The following RBFOX3 variants were observed in gnomAD, a reference collection of about 807,000 sequenced individuals.
RBFOX3 encodes the protein RNA binding protein fox-1 homolog 3.
RBFOX3 carries 17 observed loss-of-function variants against 48.7 expected under a neutral mutation model. The ratio of observed to expected loss-of-function variants is 0.35; its 90% CI spans 0.24 to 0.52. The LOEUF (loss-of-function observed/expected upper bound fraction) is 0.52. RBFOX3 is among the 20% of genes least tolerant of loss of function. The pLI is 0.94. For synonymous variants in RBFOX3, 212 were observed against 209.5 expected, an observed-to-expected ratio of 1.01 and a Z score of -0.10; for missense variants, 382 against 497.5, an observed-to-expected ratio of 0.77 and a Z score of 2.21.
intron 3 of RBFOX3, among the ~76,000 whole-genome samples, chr17:79,300,947 G>C (rs1285947783): frequency 6.6e-6 from 1 of 152,204 alleles, no homozygotes; most frequent in Non-Finnish European, 1.5e-5. Context: ...AAACAGGGGA[G>C]GCATGGATGC....
At chr17:79,125,249 G>A (rs1191568878) in intron 4 of RBFOX3, among the ~76,000 whole-genome samples, 4 of 152,190 alleles carry the variant, frequency 2.6e-5, no homozygotes, top group South Asian at 2.1e-4. Context: ...ACAGGGCCTC[G>A]CCTGGGCTGT....
chr17:79,112,908 G>C (rs943053813), intron 5 of RBFOX3, among the ~76,000 whole-genome samples: 6 of 135,290 alleles, frequency 4.4e-5, no homozygotes, highest in Non-Finnish European at 9.6e-5. Context: ...GGCTCTCGGG[G>C]GGGGGGTGGG....
In RBFOX3 at chr17:79,363,304, C is replaced by A. The variant is rs1421095336; in HGVS notation, c.-174-55480G>T. ...AAGAACCAGGGGACTCTTTAAAGGGCAAATGCGCTGTGAATGGAGACTCTC... is the reference window on the plus strand; with the variant it reads ...AAGAACCAGGGGACTCTTTAAAGGGAAAATGCGCTGTGAATGGAGACTCTC... On this transcript the variant is annotated intron_variant, in intron 2 of 14. Coordinates refer to ENST00000693108, the MANE Select transcript of RBFOX3 (RefSeq NM_001350451.2). This position sits in a 1 kb window ranked among gnomAD's most constrained non-coding sequence, Gnocchi z 4.7. Among the ~76,000 whole-genome samples, 2 of 152,070 alleles carry A rather than the reference C, an allele frequency of 1.3e-5. No homozygotes were observed. Among genetic ancestry groups the A allele is most frequent in the Admixed American group, 6.5e-5 (1 of 15,280 alleles).
At chr17:79,366,147 G>A (rs554465294) in intron 2 of RBFOX3, among the ~76,000 whole-genome samples, 20 of 152,314 alleles carry the variant, frequency 1.3e-4, no homozygotes, top group African/African-American at 3.4e-4. Context: ...CAATCAACCC[G>A]GTCACTAGGA....
At chr17:79,548,667 T>C (rs4073996) in intron 1 of RBFOX3, among the ~76,000 whole-genome samples, 122,975 of 152,240 alleles carry the variant, frequency 0.81, 52,368 homozygotes, top group Non-Finnish European at 0.94. Context: ...GTCCAGGCAA[T>C]GCAGCCCACT....
At chr17:79,106,905 C>T in intron 5 of RBFOX3, 117 bp from the exon 6 acceptor site, 2 of 1,308,766 alleles carry the variant, frequency 1.5e-6, no homozygotes, top group South Asian at 1.6e-5. Flanking sequence ...CTGGGCCTCT[C>T]CCCCATCCCT....
At chr17:79,320,726 C>T (rs945490051) in intron 2 of RBFOX3, among the ~76,000 whole-genome samples, 1 of 151,946 alleles carries the variant, frequency 6.6e-6, no homozygotes, top group African/African-American at 2.4e-5. Context: ...GGCACCTCAA[C>T]GCAGGAGCCC....
chr17:79,112,639 G>A (rs943476404), intron 5 of RBFOX3, among the ~76,000 whole-genome samples: 3 of 152,104 alleles, frequency 2.0e-5, no homozygotes, highest in African/African-American at 4.8e-5. Context: ...CCCCGGGCCT[G>A]GACAGGACCC....
chr17:79,437,907 T>C (rs1167499903), intron 2 of RBFOX3, among the ~76,000 whole-genome samples: 2 of 151,878 alleles, frequency 1.3e-5, no homozygotes, highest in South Asian at 2.1e-4. Flanking sequence ...GCCACACACA[T>C]ATACTCATGT....
At chr17:79,544,975 CAAAAAAAA>C (rs10584963) in intron 1 of RBFOX3, among the ~76,000 whole-genome samples, 1 of 81,642 alleles carries the variant, frequency 1.2e-5, no homozygotes, top group African/African-American at 4.6e-5. Context: ...TCATTAAGGG[CAAAAAAAA>C]AAAAAAAAAA....
At chr17:79,628,919 G>A in the RBFOX3 span, among the ~76,000 whole-genome samples, 1 of 152,204 alleles carries the variant, frequency 6.6e-6, no homozygotes, top group Non-Finnish European at 1.5e-5. Flanking sequence ...ACACGAGGGG[G>A]CATGAAGACC....
At chr17:79,110,299 C>T (rs1400732559) in intron 5 of RBFOX3, among the ~76,000 whole-genome samples, 2 of 152,224 alleles carry the variant, frequency 1.3e-5, no homozygotes, top group East Asian at 1.9e-4. Context: ...CACTCAAGTT[C>T]GGGGTGGGGG....
intron 1 of RBFOX3, among the ~76,000 whole-genome samples, chr17:79,498,895 T>C: frequency 6.9e-6 from 1 of 145,288 alleles, no homozygotes; most frequent in African/African-American, 2.6e-5. Flanking sequence ...CATCCATCCA[T>C]CCATCCATCC....
At chr17:79,559,759 G>A (rs1179764267) in intron 1 of RBFOX3, among the ~76,000 whole-genome samples, 1 of 148,366 alleles carries the variant, frequency 6.7e-6, no homozygotes. Context: ...ATGGATGGAT[G>A]GGTGGATGGT....
Position 79,249,451 on chromosome 17 carries a change from T to C in RBFOX3, c.-73-13646A>G, listed in dbSNP as rs2063620416. ...CCTGGGGAGACGGCTCCTCCCAAAG[T>C]AGCAGATTCCGAGAGGCAGCAAACA... On this transcript the variant is annotated intron_variant, in intron 3 of 14. Coordinates refer to ENST00000693108, the MANE Select transcript of RBFOX3 (RefSeq NM_001350451.2). The surrounding 1 kb of genome is among the most constrained non-coding windows in gnomAD (Gnocchi z 4.1). Among the ~76,000 whole-genome samples, 1 of 152,030 alleles carries C rather than the reference T, an allele frequency of 6.6e-6. No individual in the cohort carries two copies. Among genetic ancestry groups the C allele is most frequent in the Non-Finnish European group, 1.5e-5 (1 of 68,008 alleles).
intron 2 of RBFOX3, among the ~76,000 whole-genome samples, chr17:79,343,898 A>T (rs2082470577): frequency 6.6e-6 from 1 of 152,174 alleles, no homozygotes; most frequent in African/African-American, 2.4e-5. Flanking sequence ...CTAAGCTCTT[A>T]CATGAATCTC....
intron 2 of RBFOX3, among the ~76,000 whole-genome samples, chr17:79,341,848 C>T (rs2082146795): frequency 6.6e-6 from 1 of 152,258 alleles, no homozygotes; most frequent in South Asian, 2.1e-4. Context: ...AAGGGAAAAA[C>T]AATTTGCAGC....
At chr17:79,484,607 A>G (rs1285525564) in intron 1 of RBFOX3, among the ~76,000 whole-genome samples, 2 of 151,168 alleles carry the variant, frequency 1.3e-5, no homozygotes, top group Non-Finnish European at 3.0e-5. Context: ...GCCTGTGCAG[A>G]GGTAGAGGAC....
chr17:79,284,340 A>G (rs922375814), intron 3 of RBFOX3, among the ~76,000 whole-genome samples: 1 of 152,042 alleles, frequency 6.6e-6, no homozygotes, highest in African/African-American at 2.4e-5. Flanking sequence ...CTAGGTTACA[A>G]TATTTAATAA....
Sources: allele counts gnomAD v4.1 joint callset (sites outside exome capture counted in the v4.1 genomes callset), GRCh38; gene constraint gnomAD v4.1.1; non-coding constraint Gnocchi (gnomAD v3.1); transcripts MANE v1.5; gene names NCBI Gene and HGNC (gene_info 2026-07-23, HGNC 2026-07-21).